The following NDST4 variants were observed in gnomAD, a reference collection of about 807,000 sequenced individuals.
NDST4 encodes N-deacetylase and N-sulfotransferase 4, also known as N-heparan sulfate sulfotransferase 4.
In NDST4, 63 loss-of-function variants were observed where a neutral mutation model predicts 100.8. The ratio of observed to expected loss-of-function variants is 0.62; its 90% CI spans 0.51 to 0.77. The LOEUF (loss-of-function observed/expected upper bound fraction) is 0.77, where lower values mean the gene tolerates loss of function less well. NDST4 is among the 30% of genes least tolerant of loss of function. The pLI is 0.00. For missense variants in NDST4, 943 were observed against 1,018.4 expected (o/e 0.93, Z 1.01); for synonymous variants, 377 against 361.8 (o/e 1.04, Z -0.48).
chr4:114,882,010 A>G (rs1413072900), intron 6 of NDST4, among the ~76,000 whole-genome samples: 1 of 152,050 alleles, frequency 6.6e-6, no homozygotes, highest in East Asian at 1.9e-4. Context: ...ATGTCAAGGG[A>G]GTATTCTGAT....
At chr4:114,935,124 A>T in intron 6 of NDST4, 82 bp downstream of exon 6, 2 of 1,080,130 alleles carry the variant, frequency 1.9e-6, no homozygotes, top group Non-Finnish European at 2.5e-6. Flanking sequence ...GAAAATAAAT[A>T]TGATTTAGTT....
chr4:114,975,390 C>T (rs1333737947), intron 3 of NDST4, among the ~76,000 whole-genome samples: 5 of 152,064 alleles, frequency 3.3e-5, no homozygotes, highest in Admixed American at 3.3e-4. Flanking sequence ...ACAAACTATT[C>T]TATTGTTTTT....
chr4:114,885,382 C>T (rs1724456377), intron 6 of NDST4, among the ~76,000 whole-genome samples: 1 of 152,060 alleles, frequency 6.6e-6, no homozygotes, highest in Admixed American at 6.6e-5. Context: ...TCTCCTAGAA[C>T]ATTTGGACAT....
intron 6 of NDST4, among the ~76,000 whole-genome samples, chr4:114,894,577 T>G (rs1724672314): frequency 1.3e-5 from 2 of 152,336 alleles, no homozygotes; most frequent in East Asian, 1.9e-4. Context: ...TGTGATTTTT[T>G]GCACATTGAT....
chr4:114,880,742 A>C (rs1724349847), intron 6 of NDST4, among the ~76,000 whole-genome samples: 1 of 152,186 alleles, frequency 6.6e-6, no homozygotes, highest in African/African-American at 2.4e-5. Flanking sequence ...GGAACATAAA[A>C]AAGAGAACAG....
At chr4:115,091,211 A>T (rs1729512309) in intron 1 of NDST4, among the ~76,000 whole-genome samples, 1 of 152,090 alleles carries the variant, frequency 6.6e-6, no homozygotes, top group Non-Finnish European at 1.5e-5. Context: ...TATTTTAAGT[A>T]TATACAATAA....
At chr4:115,097,631 C>T (rs1371336588) in intron 1 of NDST4, among the ~76,000 whole-genome samples, 1 of 152,152 alleles carries the variant, frequency 6.6e-6, no homozygotes, top group East Asian at 1.9e-4. Flanking sequence ...TTGATCTCTG[C>T]CTAAGCCCTT....
At chr4:114,898,539 C>A (rs1157177244) in intron 6 of NDST4, among the ~76,000 whole-genome samples, 1 of 152,106 alleles carries the variant, frequency 6.6e-6, no homozygotes, top group African/African-American at 2.4e-5. Flanking sequence ...CTTTTTGCCT[C>A]CTCGTATAAA....
At chr4:115,069,832 G>A in intron 2 of NDST4, among the ~76,000 whole-genome samples, 1 of 152,184 alleles carries the variant, frequency 6.6e-6, no homozygotes, top group Non-Finnish European at 1.5e-5. Context: ...GCAGTGAGTT[G>A]AGATCTTGCC....
At chr4:114,892,922 G>A (rs1724630314) in intron 6 of NDST4, among the ~76,000 whole-genome samples, 1 of 152,048 alleles carries the variant, frequency 6.6e-6, no homozygotes, top group African/African-American at 2.4e-5. Flanking sequence ...AGTCCCTGGT[G>A]TGTATTGTTC....
intron 2 of NDST4, among the ~76,000 whole-genome samples, chr4:115,059,161 G>A (rs188315797): frequency 1.8e-3 from 266 of 151,936 alleles, no homozygotes; most frequent in African/African-American, 6.0e-3. Context: ...AGAAAACAAA[G>A]CAATCAACTG....
At chr4:114,988,745 C>T (rs911582496) in intron 2 of NDST4, among the ~76,000 whole-genome samples, 6 of 152,040 alleles carry the variant, frequency 3.9e-5, no homozygotes, top group African/African-American at 1.4e-4. Context: ...ACATTTGAGG[C>T]ATTAAGGCTT....
At chr4:114,847,886 A>G (rs1027078256) in intron 9 of NDST4, among the ~76,000 whole-genome samples, 4 of 152,214 alleles carry the variant, frequency 2.6e-5, no homozygotes, top group Non-Finnish European at 5.9e-5. Context: ...AAGACAAATT[A>G]TGTGTTGAGA....
chr4:115,076,951 G>A lies in NDST4; in HGVS notation c.86C>T (p.Ser29Phe). 1 of 1,613,540 alleles carries A rather than the reference G, an allele frequency of 6.2e-7. No homozygotes were observed. ...ATFCLVSIVI[S>F]AYFLYSGYKQ... ...GTAGCCAGAGTAGAGAAAATAGGCA[G>A]AAATGACAATGCTCACCAAGCAAAA... Residue 29 changes from serine to phenylalanine, a missense_variant, in exon 2 of 14, where the codon TCT (serine) becomes TTT (phenylalanine). Physicochemically the swap from Ser to Phe is radical, Grantham distance 155. This residue lies in a region of NDST4 where 417 missense variants were observed against 384.2 expected (regional missense o/e 1.09). Coordinates refer to ENST00000264363, the MANE Select transcript of NDST4 (RefSeq NM_022569.3).
intron 1 of NDST4, among the ~76,000 whole-genome samples, chr4:115,100,399 A>G (rs1729707099): frequency 6.6e-6 from 1 of 152,056 alleles, no homozygotes; most frequent in Non-Finnish European, 1.5e-5. Context: ...AAAGTTGTAC[A>G]CAGAGAAATA....
chr4:114,842,210 A>G (rs1057302781), intron 10 of NDST4, among the ~76,000 whole-genome samples: 2 of 152,186 alleles, frequency 1.3e-5, no homozygotes, highest in Admixed American at 6.5e-5. Flanking sequence ...GCGCCACTGT[A>G]TAATGATTTC....
chr4:114,985,612 A>G (rs1375826968), intron 2 of NDST4, among the ~76,000 whole-genome samples: 1 of 152,172 alleles, frequency 6.6e-6, no homozygotes, highest in Non-Finnish European at 1.5e-5. Flanking sequence ...TACCTGATAA[A>G]CAAAACTGGT....
intron 2 of NDST4, among the ~76,000 whole-genome samples, chr4:115,069,542 A>C (rs1462185093): frequency 6.6e-6 from 1 of 152,224 alleles, no homozygotes; most frequent in Non-Finnish European, 1.5e-5. Flanking sequence ...GCCAACAAGC[A>C]TATGGAAAAA....
intron 6 of NDST4, 48 bp from the exon 7 acceptor site, chr4:114,870,998 TA>T (rs775359635): frequency 6.7e-7 from 1 of 1,483,982 alleles, no homozygotes; most frequent in East Asian, 2.4e-5. Context: ...TGCTTAAGCT[TA>T]AAAGTAGCAG....
Sources: allele counts gnomAD v4.1 joint callset (sites outside exome capture counted in the v4.1 genomes callset), GRCh38; gene constraint gnomAD v4.1.1; regional missense constraint gnomAD v4.1.1; transcripts MANE v1.5; gene names NCBI Gene and HGNC (gene_info 2026-07-23, HGNC 2026-07-21).